Variants in TENM3 observed in about 807,000 individuals in gnomAD.
TENM3 encodes the protein teneurin transmembrane protein 3.
A neutral mutation model predicts 255.1 loss-of-function variants in TENM3; 63 were observed. The observed-to-expected ratio is 0.25, with a 90% CI of 0.20 to 0.30. The LOEUF (loss-of-function observed/expected upper bound fraction) is 0.30. Among genes scored for constraint, TENM3 ranks in the 10% least tolerant of loss-of-function variants. The pLI, the probability that TENM3 is intolerant of heterozygous loss-of-function variation, is 1.00. For synonymous variants in TENM3, 1,306 were observed against 1,322.3 expected, an observed-to-expected ratio of 0.99 and a Z score of 0.27; for missense variants, 2,929 against 3,461.1, an observed-to-expected ratio of 0.85 and a Z score of 3.86.
At chr4:181,992,724 C>T in the TENM3 span, among the ~76,000 whole-genome samples, 2 of 152,080 alleles carry the variant, frequency 1.3e-5, no homozygotes, top group Admixed American at 1.3e-4. Context: ...GCGGTAATCA[C>T]GACTAGAAGC....
intron 3 of TENM3, among the ~76,000 whole-genome samples, chr4:182,484,507 C>T (rs567683595): frequency 9.2e-5 from 14 of 151,892 alleles, no homozygotes; most frequent in South Asian, 6.2e-4. Flanking sequence ...ATGGGGAAAA[C>T]GAGAAAGTTT....
chr4:182,231,964 G>C (rs968938140), intron 1 of TENM3, among the ~76,000 whole-genome samples: 2 of 152,188 alleles, frequency 1.3e-5, no homozygotes, highest in African/African-American at 4.8e-5. Context: ...CATATTTTTT[G>C]TATGTGCCTG....
chr4:182,714,209 A>G lies in TENM3; in HGVS notation c.2344A>G (p.Thr782Ala). ...TGACGTAGCCATGGAGACTCTTTGC[A>G]CAGATAGCAAGGACAATGAAGGAGG... ...GCDVAMETLCTDSKDNEGDGL... is the reference protein window; with the variant it reads ...GCDVAMETLCADSKDNEGDGL... The change falls in exon 13 of 28, where the codon ACA becomes GCA. Residue 782 changes from threonine to alanine, a missense_variant. Physicochemically the swap from Thr to Ala is moderately conservative, Grantham distance 58. Around this residue, in one of 6 missense-constraint regions of TENM3, gnomAD observed 1,608 missense variants for 1,884.4 expected, o/e 0.85. Transcript: ENST00000511685. The G allele has an allele frequency of 6.2e-7, 1 of 1,613,132 alleles. No homozygotes were observed. Among genetic ancestry groups the G allele is most frequent in the African/African-American group, 1.3e-5 (1 of 74,836 alleles).
the TENM3 span, among the ~76,000 whole-genome samples, chr4:181,595,861 G>A: frequency 2.1e-4 from 32 of 151,990 alleles, no homozygotes; most frequent in Non-Finnish European, 3.7e-4. Context: ...CTGAATCCAC[G>A]TGTCATTCAG....
the TENM3 span, among the ~76,000 whole-genome samples, chr4:181,721,599 CAAAAAAAA>C: frequency 2.6e-3 from 66 of 25,598 alleles, 2 homozygotes; most frequent in South Asian, 0.18. Flanking sequence ...GACTCCGTCT[CAAAAAAAA>C]AAAAAAAAAA....
chr4:181,595,612 C>A, the TENM3 span, among the ~76,000 whole-genome samples: 6 of 152,054 alleles, frequency 3.9e-5, no homozygotes, highest in East Asian at 1.2e-3. Context: ...TTAAGAAGGT[C>A]CCCCAAGTGA....
chr4:182,231,892 G>A (rs554445500), intron 1 of TENM3, among the ~76,000 whole-genome samples: 1 of 152,346 alleles, frequency 6.6e-6, no homozygotes, highest in Admixed American at 6.5e-5. Flanking sequence ...TGAATCTGCA[G>A]AAGGGAAAAT....
intron 24 of TENM3, among the ~76,000 whole-genome samples, chr4:182,788,397 G>A (rs993734997): frequency 3.3e-5 from 5 of 152,210 alleles, no homozygotes; most frequent in South Asian, 2.1e-4. Flanking sequence ...GGCTCTGGAC[G>A]TGGCACCTAG....
At chr4:182,045,686 A>G in the TENM3 span, among the ~76,000 whole-genome samples, 1 of 152,194 alleles carries the variant, frequency 6.6e-6, no homozygotes, top group African/African-American at 2.4e-5. Flanking sequence ...AAACATGATA[A>G]AAAGCACTAC....
the TENM3 span, among the ~76,000 whole-genome samples, chr4:182,066,828 G>A: frequency 3.3e-5 from 5 of 151,934 alleles, no homozygotes; most frequent in East Asian, 5.8e-4. Flanking sequence ...GGAGAATGGC[G>A]TGAACCCGGG....
the TENM3 span, among the ~76,000 whole-genome samples, chr4:181,863,045 G>A: frequency 9.2e-5 from 14 of 152,100 alleles, no homozygotes; most frequent in African/African-American, 3.4e-4. Flanking sequence ...GTGTTTTTAT[G>A]AGAAACTAGG....
chr4:182,336,312 T>C (rs922116883), intron 2 of TENM3, among the ~76,000 whole-genome samples: 3 of 151,850 alleles, frequency 2.0e-5, no homozygotes, highest in Admixed American at 1.3e-4. Context: ...GTGAGAACTT[T>C]CTATATAGTT....
chr4:181,810,640 G>A, the TENM3 span, among the ~76,000 whole-genome samples: 1 of 152,066 alleles, frequency 6.6e-6, no homozygotes, highest in Non-Finnish European at 1.5e-5. Context: ...TCTGATGAGA[G>A]ATATATACAT....
chr4:181,688,464 A>G, the TENM3 span, among the ~76,000 whole-genome samples: 45,720 of 152,048 alleles, frequency 0.3, 7,595 homozygotes, highest in Admixed American at 0.49. Context: ...TCTTGATAGA[A>G]GCCAATTCAT....
At chr4:181,799,575 C>A in the TENM3 span, among the ~76,000 whole-genome samples, 7 of 152,042 alleles carry the variant, frequency 4.6e-5, no homozygotes, top group African/African-American at 1.7e-4. Context: ...ATAAAATATA[C>A]CAGAAAATAG....
chr4:182,176,821 A>ATTTTTTTTTTTTTTT (rs529637466), intron 1 of TENM3, among the ~76,000 whole-genome samples: 1 of 113,358 alleles, frequency 8.8e-6, no homozygotes, highest in Non-Finnish European at 1.8e-5. Flanking sequence ...CATCCGGCTA[A>ATTTTTTTTTTTTTTT]TTTTTTTTTT....
At chr4:181,777,395 C>CT in the TENM3 span, among the ~76,000 whole-genome samples, 4 of 151,974 alleles carry the variant, frequency 2.6e-5, no homozygotes, top group Non-Finnish European at 5.9e-5. Context: ...CTGTTCAGCT[C>CT]TTTTTTTGTT....
chr4:181,966,802 C>T, the TENM3 span, among the ~76,000 whole-genome samples: 2 of 152,154 alleles, frequency 1.3e-5, no homozygotes, highest in Admixed American at 6.5e-5. Context: ...TCTACTGTGC[C>T]GCTAGACACA....
intron 12 of TENM3, among the ~76,000 whole-genome samples, chr4:182,689,780 A>G (rs1756875540): frequency 6.6e-6 from 1 of 152,234 alleles, no homozygotes; most frequent in African/African-American, 2.4e-5. Context: ...TGTGGGCCGT[A>G]TGCGGCCCAG....
Sources: gnomAD v4.1 joint callset for allele counts (sites outside exome capture counted in the v4.1 genomes callset) on GRCh38, gnomAD v4.1.1 for gene constraint, gnomAD v4.1.1 regional missense constraint, MANE v1.5 for transcripts, NCBI Gene and HGNC (gene_info 2026-07-23, HGNC 2026-07-21) for gene names.